The following PCBP3 variants were observed in gnomAD, a reference collection of about 807,000 sequenced individuals.
PCBP3 encodes the protein poly(rC)-binding protein 3.
In PCBP3, 25 loss-of-function variants were observed where a neutral mutation model predicts 52.7. The ratio of observed to expected loss-of-function variants is 0.47; its 90% CI spans 0.35 to 0.66. PCBP3 has a LOEUF of 0.66. Among genes scored for constraint, PCBP3 ranks in the 30% least tolerant of loss-of-function variants. PCBP3 has a pLI of 0.01. For synonymous variants in PCBP3, 162 were observed against 183.0 expected (o/e 0.89, Z 0.93); for missense variants, 391 against 490.3 (o/e 0.80, Z 1.91).
chr21:45,843,189 A>G (rs867636098), intron 4 of PCBP3, among the ~76,000 whole-genome samples: 26 of 145,724 alleles, frequency 1.8e-4, no homozygotes, highest in South Asian at 6.2e-4. Context: ...TGTAATGTCC[A>G]GAGTTGTTGG....
At position 45,909,410 on chromosome 21, in the gene PCBP3, T is replaced by C; in HGVS notation, c.395T>C (p.Leu132Pro). The change falls in exon 10 of 18, where the codon CTG (leucine) becomes CCG (proline). Residue 132 changes from leucine (L) to proline (P), a missense_variant. Transcript: ENST00000681687. Reference sequence around the variant, plus strand: ...GCCACCAGCAAGCCCCCAGTGACGCTGAGGCTGGTGGTGCCTGCCAGCCAG... The same window carrying C: ...GCCACCAGCAAGCCCCCAGTGACGCCGAGGCTGGTGGTGCCTGCCAGCCAG... ...SPATSKPPVT[L>P]RLVVPASQCG... The C allele has an allele frequency of 1.2e-6, 2 of 1,613,194 alleles. No individual in the cohort carries two copies. The highest frequency in any genetic ancestry group is 1.7e-6 in the Non-Finnish European group (2 of 1,179,626).
Position 45,910,859 on chromosome 21 carries a change from C to T in PCBP3, c.472-43C>T, listed in dbSNP as rs770553797. On this transcript the variant is annotated intron_variant, in intron 10 of 17. Coordinates refer to ENST00000681687, the MANE Select transcript of PCBP3 (RefSeq NM_001384156.1). ...ACTCGGGAGGTACTGCTGCCCCATG[C>T]GCTGCTACCCTGGTGCTCCCTTCCA... 100 of 1,551,244 alleles carry T rather than the reference C, an allele frequency of 6.4e-5. No homozygotes were observed. The Middle Eastern group carries it at 2.4e-3, about 37-fold the overall frequency.
intron 1 of PCBP3, among the ~76,000 whole-genome samples, chr21:45,661,954 G>C (rs1217988667): frequency 3.9e-5 from 6 of 152,054 alleles, no homozygotes. Flanking sequence ...AAAAATGCCT[G>C]TTCATGTTTG....
chr21:45,785,654 T>C (rs954308425), intron 4 of PCBP3, among the ~76,000 whole-genome samples: 1 of 152,020 alleles, frequency 6.6e-6, no homozygotes, highest in African/African-American at 2.4e-5. Context: ...TCATTGAGAA[T>C]GGGCCATGAT....
chr21:45,702,266 A>ATAACATGCATTAGTCATTTGG (rs2083177578), intron 2 of PCBP3, among the ~76,000 whole-genome samples: 2 of 152,242 alleles, frequency 1.3e-5, no homozygotes, highest in Non-Finnish European at 2.9e-5. Flanking sequence ...CATGATTTTC[A>ATAACATGCATTAGTCATTTGG]TAACATGCAT....
Position 45,930,782 on chromosome 21 carries a change from C to T in PCBP3, c.797-4C>T. 8.0e-7 allele frequency: 1 copy of T among 1,249,430 alleles called. No individual in the cohort carries two copies. Among genetic ancestry groups the T allele is most frequent in the Non-Finnish European group, 1.2e-6 (1 of 846,878 alleles). The allele number at this position is 1,249,430 out of a possible 1,614,324, so 77.4% of individuals were successfully genotyped here. Reference sequence around the variant, plus strand: ...ATTAAACCTGTCTCTTCTTTGCTCTCCAGGAGAAAAGCTGCCTTTACACTC... The same window carrying T: ...ATTAAACCTGTCTCTTCTTTGCTCTTCAGGAGAAAAGCTGCCTTTACACTC... On this transcript the variant is annotated splice_region_variant and splice_polypyrimidine_tract_variant and intron_variant, in intron 14 of 17. Coordinates refer to ENST00000681687, the MANE Select transcript of PCBP3 (RefSeq NM_001384156.1).
chr21:45,935,122 G>A (rs2076744994), intron 15 of PCBP3, 131 bp from the exon 16 acceptor site: 2 of 653,954 alleles, frequency 3.1e-6, no homozygotes, highest in African/African-American at 3.6e-5. Flanking sequence ...CCTCTGGGCT[G>A]TGCTGACCCT....
chr21:45,930,426 C>G (rs1209298666), intron 14 of PCBP3, among the ~76,000 whole-genome samples: 1 of 152,310 alleles, frequency 6.6e-6, no homozygotes, highest in East Asian at 1.9e-4. Context: ...CTGCGTATCC[C>G]AAGGTGGCAC....
Position 45,900,989 on chromosome 21 carries a change from C to T in PCBP3, c.223-8C>T. The stretch of plus-strand genomic sequence containing the variant: ...CAGGTCGCTGGGGTTTCTCTGCTCT[C>T]ACCTTAGAGTGGTGCAAGGATCAAC... On this transcript the variant is annotated splice_region_variant and splice_polypyrimidine_tract_variant and intron_variant, in intron 8 of 17. Coordinates refer to ENST00000681687, the MANE Select transcript of PCBP3 (RefSeq NM_001384156.1). 3 of 1,605,542 alleles carry T rather than the reference C, an allele frequency of 1.9e-6. No homozygotes were observed. Among genetic ancestry groups the T allele is most frequent in the African/African-American group, 1.3e-5 (1 of 74,862 alleles).
At chr21:45,835,635 C>T (rs955898841) in intron 4 of PCBP3, among the ~76,000 whole-genome samples, 2 of 152,196 alleles carry the variant, frequency 1.3e-5, no homozygotes, top group Admixed American at 6.5e-5. Context: ...ATGGCCCCTG[C>T]GTGAGGAAGA....
At chr21:45,939,627 A>G (rs2077236668) in intron 16 of PCBP3, among the ~76,000 whole-genome samples, 1 of 152,248 alleles carries the variant, frequency 6.6e-6, no homozygotes, top group Non-Finnish European at 1.5e-5. Flanking sequence ...TGTGGCCAAG[A>G]AGGTGCAGAC....
chr21:45,659,051 T>C (rs2080207222), intron 1 of PCBP3, among the ~76,000 whole-genome samples: 2 of 151,872 alleles, frequency 1.3e-5, no homozygotes, highest in African/African-American at 4.8e-5. Flanking sequence ...TCTTGGTCAT[T>C]CTAGATAAAA....
In PCBP3 at chr21:45,929,898, C is replaced by CGTGT. The variant is rs2075957276; in HGVS notation, c.718-18_718-15dup. The CGTGT allele has an allele frequency of 6.3e-7, 1 of 1,597,414 alleles. No individual in the cohort carries two copies. The highest frequency in any genetic ancestry group is 8.6e-7 in the Non-Finnish European group (1 of 1,165,224). On this transcript the variant is annotated intron_variant, in intron 13 of 17. Coordinates refer to ENST00000681687, the MANE Select transcript of PCBP3 (RefSeq NM_001384156.1). The stretch of plus-strand genomic sequence containing the variant: ...CGATGACAATAACCTTCTTAGCTCT[C>CGTGT]GTGTCCCTCCTACCCCAGCAGTTGA...
chr21:45,842,598 C>A (rs935650808), intron 4 of PCBP3, among the ~76,000 whole-genome samples: 1 of 152,220 alleles, frequency 6.6e-6, no homozygotes. Context: ...ATGTTTGGCA[C>A]GACACATAAT....
chr21:45,692,465 AG>A (rs1439459949), intron 2 of PCBP3, among the ~76,000 whole-genome samples: 1 of 152,162 alleles, frequency 6.6e-6, no homozygotes, highest in Non-Finnish European at 1.5e-5. Context: ...CAGATCCTAC[AG>A]ATAATAAAAG....
chr21:45,893,028 T>C (rs1260065419), intron 5 of PCBP3, among the ~76,000 whole-genome samples: 1 of 151,248 alleles, frequency 6.6e-6, no homozygotes, highest in Non-Finnish European at 1.5e-5. Context: ...GGAAGCCCCA[T>C]GAGGAGGGAC....
chr21:45,846,235 T>C (rs1056318843), intron 4 of PCBP3, among the ~76,000 whole-genome samples: 11 of 152,234 alleles, frequency 7.2e-5, no homozygotes, highest in African/African-American at 1.4e-4. Flanking sequence ...TTGATAGATA[T>C]ACATCATGAA....
chr21:45,692,590 T>G (rs1325087340), intron 2 of PCBP3, among the ~76,000 whole-genome samples: 1 of 152,140 alleles, frequency 6.6e-6, no homozygotes, highest in Non-Finnish European at 1.5e-5. Context: ...CAATTAAAGC[T>G]CATTCAAAAA....
At chr21:45,913,889 C>G in intron 11 of PCBP3, 62 bp from the exon 12 acceptor site, 2 of 1,497,492 alleles carry the variant, frequency 1.3e-6, no homozygotes, top group Admixed American at 3.5e-5. Flanking sequence ...GGCACGCCTC[C>G]CCATTGCCAG....
Sources: gnomAD v4.1 joint callset for allele counts (sites outside exome capture counted in the v4.1 genomes callset) on GRCh38, gnomAD v4.1.1 for gene constraint, MANE v1.5 for transcripts, NCBI Gene and HGNC (gene_info 2026-07-23, HGNC 2026-07-21) for gene names.